The following DARS2 variants were observed in gnomAD, a reference collection of about 807,000 sequenced individuals.
DARS2 encodes aspartyl-tRNA synthetase 2, mitochondrial, also known as aspartate--tRNA ligase, mitochondrial.
In DARS2, 63 loss-of-function variants were observed where a neutral mutation model predicts 83.0. The observed-to-expected ratio is 0.76, with a 90% CI of 0.62 to 0.94. DARS2 has a LOEUF of 0.94. DARS2 is among the 40% of genes least tolerant of loss of function. DARS2 has a pLI of 0.00. For synonymous variants in DARS2, 250 were observed against 269.3 expected (o/e 0.93, Z 0.70); for missense variants, 675 against 774.4 (o/e 0.87, Z 1.52).
chr1:173,841,898 C>T (rs1038130577), intron 11 of DARS2, among the ~76,000 whole-genome samples: 1 of 152,118 alleles, frequency 6.6e-6, no homozygotes, highest in Non-Finnish European at 1.5e-5. Flanking sequence ...TGTCTGCAGC[C>T]TCAGTTGTCT....
intron 7 of DARS2, among the ~76,000 whole-genome samples, chr1:173,835,601 T>C (rs756539506): frequency 6.6e-6 from 1 of 151,680 alleles, no homozygotes; most frequent in African/African-American, 2.4e-5. Flanking sequence ...ACAAATCTCT[T>C]ATATATTAAA....
chr1:173,855,311 G>A (rs1249287082), intron 15 of DARS2, among the ~76,000 whole-genome samples: 1 of 151,820 alleles, frequency 6.6e-6, no homozygotes, highest in African/African-American at 2.4e-5. Flanking sequence ...CATGTTGGCC[G>A]GGCTGGTCTC....
At chr1:173,832,590 G>A (rs1652832164) in intron 5 of DARS2, among the ~76,000 whole-genome samples, 1 of 151,996 alleles carries the variant, frequency 6.6e-6, no homozygotes, top group African/African-American at 2.4e-5. Context: ...CCAATGTGGT[G>A]AAACCCCGTC....
rs1015982728 is a variant in DARS2 at position 173,828,309 on chromosome 1, C to A, written c.228-24C>A. ...TTAGAGATTTTATCTTAAAATGTTT[C>A]TTTTCCCCCCCCCCATTAATCAGGC... On this transcript the variant is annotated intron_variant, in intron 2 of 16. Transcript: ENST00000649689. 33 of 1,501,020 alleles carry A rather than the reference C, an allele frequency of 2.2e-5. No homozygotes were observed. In the African/African-American group the frequency reaches 3.5e-4, roughly 16 times the overall value. 93.0% of individuals were successfully genotyped at this position (1,501,020 alleles called of 1,614,324 possible).
At chr1:173,844,058 C>T (rs183852296) in intron 11 of DARS2, among the ~76,000 whole-genome samples, 4 of 152,248 alleles carry the variant, frequency 2.6e-5, no homozygotes, top group East Asian at 1.9e-4. Flanking sequence ...GGAGTTCACT[C>T]GAAGTTCTCA....
At chr1:173,831,727 CA>C in intron 5 of DARS2, 97 bp downstream of exon 5, 3 of 962,506 alleles carry the variant, frequency 3.1e-6, no homozygotes, top group Non-Finnish European at 5.0e-6. Context: ...TTAACTTCTA[CA>C]AAATTAAGCA....
At chr1:173,831,712 AAAGTTTAACTTCTACAAAATT>A in intron 5 of DARS2, 82 bp downstream of exon 5, 2 of 1,127,126 alleles carry the variant, frequency 1.8e-6, no homozygotes, top group Non-Finnish European at 2.7e-6. Context: ...TTTTTAAAGA[AAAGTTTAACTTCTACAAAATT>A]AAGCATTTTA....
At chr1:173,831,513 C>A in intron 4 of DARS2, 22 bp from the exon 5 acceptor site, 1 of 1,563,364 alleles carries the variant, frequency 6.4e-7, no homozygotes, top group South Asian at 1.1e-5. Flanking sequence ...ATTTTTAAAA[C>A]CCTTCCTTCT....
intron 11 of DARS2, among the ~76,000 whole-genome samples, chr1:173,844,954 A>G (rs1402629377): frequency 6.6e-6 from 1 of 151,086 alleles, no homozygotes; most frequent in African/African-American, 2.4e-5. Context: ...CCACCATACC[A>G]GACTAATTTT....
Position 173,838,240 on chromosome 1 carries a change from GAC to G in DARS2, c.823_824del (p.Gln275AlafsTer2). 1 of 1,613,674 alleles carries G rather than the reference GAC, an allele frequency of 6.2e-7. No individual in the cohort carries two copies. Among genetic ancestry groups the G allele is most frequent in the African/African-American group, 1.3e-5 (1 of 75,038 alleles). ...CGAGATGAAGGTTCAAGACCAGACA[GAC>G]AGCCTGAGTTTACTCAGGTACAAAG... On this transcript the variant is annotated frameshift_variant, in exon 9 of 17. Transcript: ENST00000649689. LOFTEE classifies it high-confidence loss of function.
At chr1:173,840,283 G>C (rs371742731) in intron 10 of DARS2, among the ~76,000 whole-genome samples, 214 of 152,354 alleles carry the variant, frequency 1.4e-3, no homozygotes, top group Middle Eastern at 0.01. Context: ...CTGTTGCCCA[G>C]GCTGGAGTGC....
At chr1:173,848,487 T>C (rs575989744) in intron 12 of DARS2, among the ~76,000 whole-genome samples, 2 of 152,358 alleles carry the variant, frequency 1.3e-5, no homozygotes, top group Middle Eastern at 6.8e-3. Flanking sequence ...AATAGGATAG[T>C]ACAACTAAAG....
intron 10 of DARS2, among the ~76,000 whole-genome samples, chr1:173,840,645 A>G (rs1236284524): frequency 6.6e-6 from 1 of 152,358 alleles, no homozygotes; most frequent in South Asian, 2.1e-4. Flanking sequence ...GGTTTCATCT[A>G]TGAAATAGGG....
At chr1:173,856,482 T>C (rs1653864729) in intron 15 of DARS2, among the ~76,000 whole-genome samples, 184 bp from the exon 16 acceptor site, 1 of 152,240 alleles carries the variant, frequency 6.6e-6, no homozygotes, top group Non-Finnish European at 1.5e-5. Context: ...TTTCCCTTAC[T>C]AACCTGCAAA....
chr1:173,838,405 CTAAT>C (rs1440158717), intron 9 of DARS2, 146 bp downstream of exon 9: 11 of 649,904 alleles, frequency 1.7e-5, no homozygotes, highest in Admixed American at 8.6e-5. Context: ...AGTTGAGAAA[CTAAT>C]TATTCTTTTT....
chr1:173,831,655 A>G (rs1652801098), intron 5 of DARS2, 25 bp downstream of exon 5: 3 of 1,550,058 alleles, frequency 1.9e-6, no homozygotes, highest in South Asian at 1.1e-5. Flanking sequence ...TATTAATAAA[A>G]TAGAGTATCT....
At chr1:173,839,696 GAAT>G (rs1653137111) in intron 10 of DARS2, 150 bp downstream of exon 10, 2 of 702,574 alleles carry the variant, frequency 2.8e-6, no homozygotes, top group Non-Finnish European at 4.9e-6. Flanking sequence ...GAGCAAGAGA[GAAT>G]AATAGCATGT....
At chr1:173,835,075 C>T (rs1213375868) in intron 7 of DARS2, among the ~76,000 whole-genome samples, 1 of 151,690 alleles carries the variant, frequency 6.6e-6, no homozygotes, top group Non-Finnish European at 1.5e-5. Context: ...AGCCACCTTA[C>T]TCAGTCTCAT....
intron 9 of DARS2, among the ~76,000 whole-genome samples, 188 bp downstream of exon 9, chr1:173,838,447 T>A (rs924751103): frequency 8.5e-5 from 13 of 152,218 alleles, no homozygotes; most frequent in Non-Finnish European, 1.6e-4. Context: ...TGTCCTTTTT[T>A]AAATTTTTTT....
Sources: allele counts gnomAD v4.1 joint callset (sites outside exome capture counted in the v4.1 genomes callset), GRCh38; gene constraint gnomAD v4.1.1; transcripts MANE v1.5; gene names NCBI Gene and HGNC (gene_info 2026-07-23, HGNC 2026-07-21).